The following SOS2 variants were observed in gnomAD, a reference collection of about 807,000 sequenced individuals.
The protein encoded by SOS2 is SOS Ras/Rho guanine nucleotide exchange factor 2, also known as son of sevenless homolog 2.
A neutral mutation model predicts 148.2 loss-of-function variants in SOS2; 65 were observed. The observed-to-expected ratio is 0.44, with a 90% confidence interval of 0.36 to 0.54. The LOEUF (loss-of-function observed/expected upper bound fraction) is 0.54, where lower values mean the gene tolerates loss of function less well. Among genes scored for constraint, SOS2 ranks in the 20% least tolerant of loss-of-function variants. The pLI is 0.00. For synonymous variants in SOS2, 539 were observed against 537.1 expected, an observed-to-expected ratio of 1.00 and a Z score of -0.05; for missense variants, 1,341 against 1,590.2, an observed-to-expected ratio of 0.84 and a Z score of 2.67.
intron 1 of SOS2, among the ~76,000 whole-genome samples, chr14:50,206,460 T>C (rs1039351693): frequency 2.6e-5 from 4 of 152,212 alleles, no homozygotes; most frequent in Admixed American, 6.5e-5. Context: ...AAATCATCTA[T>C]AGGTTACTTG....
chr14:50,177,618 T>C (rs966844802), intron 7 of SOS2, among the ~76,000 whole-genome samples: 1 of 152,162 alleles, frequency 6.6e-6, no homozygotes, highest in Non-Finnish European at 1.5e-5. Context: ...CCAAAGTTCT[T>C]ATAGACTGTG....
intron 4 of SOS2, among the ~76,000 whole-genome samples, chr14:50,193,004 T>C (rs1157126025): frequency 6.6e-6 from 1 of 152,184 alleles, no homozygotes; most frequent in Non-Finnish European, 1.5e-5. Context: ...CACCTTTTTT[T>C]TGGTTTTTTT....
Position 50,161,614 on chromosome 14 carries a change from G to GA in SOS2, c.1069-6dup, listed in dbSNP as rs756206186. 21 of 1,604,830 alleles carry GA rather than the reference G, an allele frequency of 1.3e-5. No homozygotes were observed. In the East Asian group the frequency reaches 2.5e-4, roughly 19 times the overall value. ...TTCACTACATGCTTTCAATTGCTAA[G>GA]AAAAAACAGAAAGAAAAATCAAAAC... On this transcript the variant is annotated splice_region_variant and splice_polypyrimidine_tract_variant and intron_variant, in intron 8 of 22. Coordinates refer to ENST00000216373, the MANE Select transcript of SOS2 (RefSeq NM_006939.4).
At chr14:50,179,343 TTTACCATATTC>T (rs1430222457) in intron 7 of SOS2, among the ~76,000 whole-genome samples, 1 of 152,158 alleles carries the variant, frequency 6.6e-6, no homozygotes, top group Non-Finnish European at 1.5e-5. Flanking sequence ...TATAAGGATT[TTTACCATATTC>T]AAACGTCAAG....
At chr14:50,194,812 A>G (rs1886264683) in intron 4 of SOS2, among the ~76,000 whole-genome samples, 2 of 148,804 alleles carry the variant, frequency 1.3e-5, no homozygotes, top group Admixed American at 1.3e-4. Context: ...ATAAAATAAT[A>G]TGGAGTCTCG....
chr14:50,216,302 G>C (rs1022073807), intron 1 of SOS2, among the ~76,000 whole-genome samples: 1 of 151,688 alleles, frequency 6.6e-6, no homozygotes, highest in African/African-American at 2.4e-5. Context: ...TCATCATGTT[G>C]GCCAGGCTAG....
At chr14:50,204,102 T>C (rs113845309) in intron 2 of SOS2, among the ~76,000 whole-genome samples, 182 bp downstream of exon 2, 2 of 151,990 alleles carry the variant, frequency 1.3e-5, no homozygotes, top group Non-Finnish European at 2.9e-5. Context: ...TTTTTTTTTT[T>C]CTGAAAAACT....
rs562379010 is a variant in SOS2 at position 50,179,887 on chromosome 14, A to G, written c.969+685T>C. 2.4e-4 allele frequency among the ~76,000 whole-genome samples: 36 copies of G among 152,326 alleles called. No individual in the cohort carries two copies. The East Asian group carries it at 6.9e-3, about 29-fold the overall frequency. ...AAATTGTAGGCCTCATAGAAAAATC[A>G]GTATGAGTACATAGGAGGTTGAGGT... On this transcript the variant is annotated intron_variant, in intron 7 of 22. Transcript: ENST00000216373.
chr14:50,194,158 C>T (rs1028110972), intron 4 of SOS2, among the ~76,000 whole-genome samples: 4 of 152,184 alleles, frequency 2.6e-5, no homozygotes, highest in Non-Finnish European at 5.9e-5. Context: ...CAGCCTGCAG[C>T]CTGTTTTTGT....
chr14:50,171,444 G>C (rs1368067092), intron 8 of SOS2, among the ~76,000 whole-genome samples: 2 of 151,866 alleles, frequency 1.3e-5, no homozygotes, highest in Admixed American at 6.6e-5. Flanking sequence ...CCAGCATCTC[G>C]GGAGGCCAAG....
At chr14:50,223,752 G>T (rs1243420047) in intron 1 of SOS2, among the ~76,000 whole-genome samples, 1 of 152,066 alleles carries the variant, frequency 6.6e-6, no homozygotes, top group Non-Finnish European at 1.5e-5. Flanking sequence ...GCGGCAGGGG[G>T]GTGAGGTGGG....
At chr14:50,207,259 T>A (rs1886690585) in intron 1 of SOS2, among the ~76,000 whole-genome samples, 1 of 152,106 alleles carries the variant, frequency 6.6e-6, no homozygotes, top group African/African-American at 2.4e-5. Context: ...ATGCCTGTAA[T>A]CCCAGCACTT....
At chr14:50,213,452 C>G (rs1311217000) in intron 1 of SOS2, among the ~76,000 whole-genome samples, 1 of 152,142 alleles carries the variant, frequency 6.6e-6, no homozygotes, top group South Asian at 2.1e-4. Context: ...GATCTCAGCA[C>G]TTTGGGAGGC....
chr14:50,216,091 G>C (rs1887032775), intron 1 of SOS2, among the ~76,000 whole-genome samples: 1 of 100,390 alleles, frequency 1.0e-5, no homozygotes, highest in Non-Finnish European at 1.9e-5. Context: ...AAATGTTTTG[G>C]GTTTTTTTTG....
intron 13 of SOS2, among the ~76,000 whole-genome samples, chr14:50,152,182 T>G (rs971308193): frequency 7.9e-5 from 12 of 152,222 alleles, no homozygotes; most frequent in African/African-American, 2.9e-4. Context: ...TTACACTTGT[T>G]ATAGTATTTG....
chr14:50,130,321 G>A (rs972704537), intron 20 of SOS2, among the ~76,000 whole-genome samples, 180 bp downstream of exon 20: 1 of 152,150 alleles, frequency 6.6e-6, no homozygotes, highest in Non-Finnish European at 1.5e-5. Flanking sequence ...AAGATAATAT[G>A]CATCAACAAT....
intron 1 of SOS2, among the ~76,000 whole-genome samples, chr14:50,226,832 T>G (rs551186574): frequency 6.6e-6 from 1 of 152,222 alleles, no homozygotes; most frequent in Non-Finnish European, 1.5e-5. Context: ...ATTTCCCATA[T>G]GAAGAATGCT....
At chr14:50,207,646 C>T (rs997060529) in intron 1 of SOS2, among the ~76,000 whole-genome samples, 5 of 149,188 alleles carry the variant, frequency 3.4e-5, no homozygotes, top group Non-Finnish European at 5.9e-5. Flanking sequence ...CATGGTGGCT[C>T]GTAATCCCAG....
rs971848598 is a variant in SOS2, at chr14:50,147,387, C to A, written c.2385-1791G>T. Reference sequence around the variant, plus strand: ...ATTAGCCAGGTATGGTGGTGCGTGCCTGTAGTTCTAGCTACTCGAGAGGCT... The same window carrying A: ...ATTAGCCAGGTATGGTGGTGCGTGCATGTAGTTCTAGCTACTCGAGAGGCT... On this transcript the variant is annotated intron_variant, in intron 14 of 22. Transcript: ENST00000216373. Among the ~76,000 whole-genome samples, 11 of 151,808 alleles carry A rather than the reference C, an allele frequency of 7.2e-5. No homozygotes were observed. The South Asian group carries it at 1.0e-3, about 14-fold the overall frequency.
Sources: gnomAD v4.1 joint callset for allele counts (sites outside exome capture counted in the v4.1 genomes callset) on GRCh38, gnomAD v4.1.1 for gene constraint, MANE v1.5 for transcripts, NCBI Gene and HGNC (gene_info 2026-07-23, HGNC 2026-07-21) for gene names.